SEMA4A: variants seen among roughly 807,000 people sequenced by gnomAD.
The protein encoded by SEMA4A is semaphorin 4A.
SEMA4A carries 52 observed loss-of-function variants against 72.5 expected under a neutral mutation model. That is an observed-to-expected ratio of 0.72 (90% confidence interval 0.57 to 0.90). SEMA4A has a LOEUF of 0.90. SEMA4A is among the 40% of genes least tolerant of loss of function. The pLI, the probability that SEMA4A is intolerant of heterozygous loss-of-function variation, is 0.00. For synonymous variants in SEMA4A, 369 were observed against 393.1 expected, an observed-to-expected ratio of 0.94 and a Z score of 0.73; for missense variants, 926 against 959.7, an observed-to-expected ratio of 0.96 and a Z score of 0.46.
chr1:156,163,161 A>G (rs1653835436), intron 10 of SEMA4A, 67 bp downstream of exon 10: 3 of 1,567,400 alleles, frequency 1.9e-6, no homozygotes, highest in East Asian at 4.5e-5. Context: ...AACACCTATC[A>G]TGGCATAGTA....
At chr1:156,170,573 G>T (rs985489630) in intron 10 of SEMA4A, among the ~76,000 whole-genome samples, 1 of 147,040 alleles carries the variant, frequency 6.8e-6, no homozygotes, top group African/African-American at 2.5e-5. Flanking sequence ...CTAACATGGT[G>T]AAACCCCATC....
chr1:156,166,203 G>A (rs182005612), intron 10 of SEMA4A, among the ~76,000 whole-genome samples: 4 of 151,728 alleles, frequency 2.6e-5, no homozygotes, highest in African/African-American at 7.3e-5. Flanking sequence ...CACTGTGCTC[G>A]GTCTTTTTTT....
intron 8 of SEMA4A, 24 bp from the exon 9 acceptor site, chr1:156,161,322 C>A (rs771213419): frequency 1.6e-5 from 18 of 1,100,018 alleles, no homozygotes; most frequent in Admixed American, 2.0e-5. Context: ...CCGGGGCGCC[C>A]CCTGACTCCC....
chr1:156,167,489 AAAAAAAG>A, intron 10 of SEMA4A, among the ~76,000 whole-genome samples: 1 of 151,762 alleles, frequency 6.6e-6, no homozygotes. Context: ...AAAAAAAAAA[AAAAAAAG>A]AAAGAAAAGA....
In SEMA4A at chr1:156,161,526, G is replaced by C; in HGVS notation, c.983+8G>C. ...AGTCTTCACCTCCCAGTGGTGAGCAGCAGGGCTGGACCATGGGGGCTGGAC... is the reference window on the plus strand; with the variant it reads ...AGTCTTCACCTCCCAGTGGTGAGCACCAGGGCTGGACCATGGGGGCTGGAC... On this transcript the variant is annotated splice_region_variant and intron_variant, in intron 9 of 14. Coordinates refer to ENST00000368285, the MANE Select transcript of SEMA4A (RefSeq NM_022367.4). 6.2e-7 allele frequency: 1 copy of C among 1,613,712 alleles called. No individual in the cohort carries two copies. Among genetic ancestry groups the C allele is most frequent in the Non-Finnish European group, 8.5e-7 (1 of 1,179,880 alleles).
intron 10 of SEMA4A, among the ~76,000 whole-genome samples, chr1:156,172,496 G>T (rs1222304972): frequency 1.3e-5 from 2 of 152,180 alleles, no homozygotes; most frequent in African/African-American, 4.8e-5. Context: ...AGGTGCAAAG[G>T]AGGAGAACAG....
chr1:156,156,681 A>G, intron 3 of SEMA4A, 107 bp downstream of exon 3: 4 of 1,042,838 alleles, frequency 3.8e-6, no homozygotes, highest in South Asian at 1.3e-5. Flanking sequence ...TGTTATCTGT[A>G]ATCAGCAGTT....
At chr1:156,155,531 A>G (rs1239807887) in intron 2 of SEMA4A, 1 of 152,902 alleles carries the variant, frequency 6.5e-6, no homozygotes, top group Admixed American at 6.5e-5. Context: ...TCTGTTCAGC[A>G]ACTGAGGGGT....
intron 6 of SEMA4A, chr1:156,159,103 G>A (rs1572395493): frequency 8.9e-6 from 4 of 451,464 alleles, no homozygotes; most frequent in South Asian, 4.3e-5. Flanking sequence ...GGAGGCTGAG[G>A]TGGGTGGATC....
intron 7 of SEMA4A, 57 bp from the exon 8 acceptor site, chr1:156,160,848 G>A (rs1572398652): frequency 1.9e-6 from 3 of 1,611,404 alleles, no homozygotes; most frequent in East Asian, 2.2e-5. Flanking sequence ...TTTCACTCAG[G>A]CAAACCCAGG....
Position 156,157,970 on chromosome 1 carries a change from G to A in SEMA4A, c.301-100G>A. The A allele has an allele frequency of 8.4e-7, 1 of 1,195,970 alleles. No homozygotes were observed. The highest frequency in any genetic ancestry group is 1.2e-6 in the Non-Finnish European group (1 of 814,844). 74.1% of individuals were successfully genotyped at this position (1,195,970 alleles called of 1,614,324 possible). A position where few individuals can be genotyped will look rare whatever the true frequency, so the allele number is the denominator to read the frequency against. On this transcript the variant is annotated intron_variant, in intron 3 of 14. Transcript: ENST00000368285. This position sits in a 1 kb window ranked among gnomAD's most constrained non-coding sequence, Gnocchi z 4.5. ...CAGCATGTCACTAACCACCATGTCT[G>A]CTGGTTATTTCACATCAGAGCAGAG...
upstream of SEMA4A, among the ~76,000 whole-genome samples, chr1:156,148,833 G>A (rs1307690425): frequency 7.4e-6 from 1 of 135,196 alleles, no homozygotes; most frequent in Non-Finnish European, 1.6e-5. Flanking sequence ...ATGGAGTTTC[G>A]CTCTTTTTGC....
At chr1:156,172,043 C>T (rs1377653638) in intron 10 of SEMA4A, among the ~76,000 whole-genome samples, 1 of 151,750 alleles carries the variant, frequency 6.6e-6, no homozygotes, top group Admixed American at 6.6e-5. Context: ...CTCGGCCTCC[C>T]AAAGTGTTGG....
intron 10 of SEMA4A, among the ~76,000 whole-genome samples, chr1:156,165,880 T>TTTTC (rs1446201431): frequency 6.6e-6 from 1 of 151,010 alleles, no homozygotes; most frequent in Non-Finnish European, 1.5e-5. Context: ...CAGTTCTGAG[T>TTTTC]TTTCTTGAAC....
chr1:156,156,317 A>T (rs1653021045), intron 2 of SEMA4A, 97 bp from the exon 3 acceptor site: 1 of 1,197,084 alleles, frequency 8.4e-7, no homozygotes, highest in African/African-American at 1.5e-5. Flanking sequence ...TGGGGAGCAC[A>T]CTCAGGCAAC....
At chr1:156,154,853 CAG>C (rs1652869478) in intron 2 of SEMA4A, 136 bp downstream of exon 2, 6 of 1,085,768 alleles carry the variant, frequency 5.5e-6, no homozygotes, top group East Asian at 2.6e-5. Flanking sequence ...CAGGGAGAAA[CAG>C]AGGATCTCGG....
chr1:156,172,779 T>C, intron 10 of SEMA4A, 47 bp from the exon 11 acceptor site: 1 of 1,561,558 alleles, frequency 6.4e-7, no homozygotes, highest in Non-Finnish European at 8.8e-7. Context: ...GAGGGTGAGC[T>C]GAGGGGAAGG....
upstream of SEMA4A, among the ~76,000 whole-genome samples, chr1:156,151,972 A>G (rs1382628333): frequency 7.0e-6 from 1 of 141,896 alleles, no homozygotes. Context: ...CTACCCTCCC[A>G]GCCCACCCTT....
At chr1:156,173,214 G>C (rs368683266) in intron 11 of SEMA4A, among the ~76,000 whole-genome samples, 1 of 152,226 alleles carries the variant, frequency 6.6e-6, no homozygotes, top group Non-Finnish European at 1.5e-5. Context: ...TTCCTATGGT[G>C]GGGGAGGCAG....
Sources: gnomAD v4.1 joint callset for allele counts (sites outside exome capture counted in the v4.1 genomes callset) on GRCh38, gnomAD v4.1.1 for gene constraint, Gnocchi (gnomAD v3.1) non-coding constraint, MANE v1.5 for transcripts, NCBI Gene and HGNC (gene_info 2026-07-23, HGNC 2026-07-21) for gene names.